The following TM4SF19 variants were observed in gnomAD, a reference collection of about 807,000 sequenced individuals.
The protein encoded by TM4SF19 is transmembrane 4 L six family member 19.
Under a neutral mutation model 21.8 loss-of-function variants are expected in TM4SF19, and 17 were observed. The observed-to-expected ratio is 0.78, with a 90% CI of 0.53 to 1.17. The LOEUF is 1.17. TM4SF19 is among the 50% of genes most tolerant of loss of function. TM4SF19 has a pLI of 0.00. For missense variants in TM4SF19, 216 were observed against 252.1 expected, an observed-to-expected ratio of 0.86 and a Z score of 0.97; for synonymous variants, 107 against 106.7, an observed-to-expected ratio of 1.00 and a Z score of -0.02.
At position 196,324,403 on chromosome 3, in the gene TM4SF19, A is replaced by T; in HGVS notation, c.317T>A (p.Leu106His). The T allele has an allele frequency of 1.2e-6, 2 of 1,614,228 alleles. No individual in the cohort carries two copies. The highest frequency in any genetic ancestry group is 2.2e-5 in the South Asian group (2 of 91,090). The change falls in exon 4 of 5, where the codon CTT (leucine) becomes CAT (histidine). Residue 106 changes from leucine to histidine, a missense_variant. Physicochemically the swap from Leu to His is moderately conservative, Grantham distance 99. Coordinates refer to ENST00000273695, the MANE Select transcript of TM4SF19 (RefSeq NM_138461.4). The part of the protein sequence containing the change: ...TALLSGGLAL[L>H]GALICFVTSG... ...AGTGACAAAGCAAATCAGGGCTCCA[A>T]GTAAAGCCAGGCCACCTGACAACAG...
chr3:196,332,651 G>A (rs1037716403), intron 1 of TM4SF19, among the ~76,000 whole-genome samples: 1 of 151,824 alleles, frequency 6.6e-6, no homozygotes. Context: ...CATATCTGCA[G>A]GGGATATGTT....
At position 196,323,761 on chromosome 3, in the gene TM4SF19, G is replaced by C. The variant is rs567767623; in HGVS notation, c.*56C>G. The C allele has an allele frequency of 9.3e-6, 15 of 1,613,960 alleles. No homozygotes were observed. The African/African-American group carries it at 1.9e-4, about 20-fold the overall frequency. On this transcript the variant is annotated 3_prime_UTR_variant, in exon 5 of 5. Coordinates refer to ENST00000273695, the MANE Select transcript of TM4SF19 (RefSeq NM_138461.4). ...ATTCGTACCCACTCCTTGTAGAAAG[G>C]ATTCAAGACAGCCGATGATGAAAAC... is the stretch of plus-strand genomic sequence containing the variant.
At position 196,325,906 on chromosome 3, in the gene TM4SF19, C is replaced by T. The variant is rs752820687; in HGVS notation, c.279+1049G>A. On this transcript the variant is annotated intron_variant, in intron 3 of 4. Coordinates refer to ENST00000273695, the MANE Select transcript of TM4SF19 (RefSeq NM_138461.4). This position sits in a 1 kb window ranked among gnomAD's most constrained non-coding sequence, Gnocchi z 4.3. ...ATTCAAGTGTCAGAACTACGTGCCACGGGGAAAACCAGAATGAGAACAGAC... is the reference window on the plus strand; with the variant it reads ...ATTCAAGTGTCAGAACTACGTGCCATGGGGAAAACCAGAATGAGAACAGAC... Among the ~76,000 whole-genome samples the T allele has an allele frequency of 1.3e-5, 2 of 152,260 alleles. No homozygotes were observed. The highest frequency in any genetic ancestry group is 2.1e-4 in the South Asian group (1 of 4,824).
At chr3:196,330,996 G>A (rs1167456882) in intron 1 of TM4SF19, among the ~76,000 whole-genome samples, 4 of 152,074 alleles carry the variant, frequency 2.6e-5, no homozygotes, top group South Asian at 4.2e-4. Context: ...AATTAAGGCC[G>A]GGCACGGTGA....
chr3:196,334,506 T>C (rs984465716), intron 1 of TM4SF19, among the ~76,000 whole-genome samples: 4 of 151,404 alleles, frequency 2.6e-5, no homozygotes, highest in African/African-American at 9.7e-5. Flanking sequence ...CAGGCTGGAG[T>C]GCAGTGGCGC....
chr3:196,334,807 GGGT>G (rs1727660976), intron 1 of TM4SF19, among the ~76,000 whole-genome samples: 1 of 135,866 alleles, frequency 7.4e-6, no homozygotes, highest in African/African-American at 2.7e-5. Flanking sequence ...GGGAGGGTGG[GGGT>G]AGGAGAGAGG....
chr3:196,335,399 T>TGGGG, intron 1 of TM4SF19, among the ~76,000 whole-genome samples: 1 of 45,368 alleles, frequency 2.2e-5, no homozygotes, highest in African/African-American at 9.2e-5. Context: ...ACTGGGAGGG[T>TGGGG]GTGGGTAGGA....
chr3:196,323,831 G>T lies in TM4SF19; in HGVS notation c.616C>A (p.Leu206Ile). The T allele has an allele frequency of 6.2e-7, 1 of 1,614,186 alleles. No individual in the cohort carries two copies. The highest frequency in any genetic ancestry group is 8.5e-7 in the Non-Finnish European group (1 of 1,180,044). The change falls in exon 5 of 5, where the codon CTC becomes ATC. Residue 206 changes from leucine (L) to isoleucine (I), a missense_variant. Transcript: ENST00000273695. ...INSLLGLFCS[L>I]CEK ...GGTTCTGCCTGTCACTTCTCGCAGA[G>T]GCTGCAGAAAAGGCCCAGGAGGCTG...
At chr3:196,327,096 C>G in intron 2 of TM4SF19, 64 bp from the exon 3 acceptor site, 1 of 1,362,064 alleles carries the variant, frequency 7.3e-7, no homozygotes, top group Non-Finnish European at 1.0e-6. Flanking sequence ...CTAGGTGCTG[C>G]CCACAGCTGT....
At chr3:196,335,569 C>T (rs66655835) in intron 1 of TM4SF19, among the ~76,000 whole-genome samples, 51,314 of 148,098 alleles carry the variant, frequency 0.35, 10,084 homozygotes, top group East Asian at 0.81. Flanking sequence ...ACAGTGACTC[C>T]TACCCCAGGG....
At chr3:196,337,220 G>A (rs1017025330) in intron 1 of TM4SF19, among the ~76,000 whole-genome samples, 1 of 151,826 alleles carries the variant, frequency 6.6e-6, no homozygotes, top group East Asian at 1.9e-4. Context: ...CACCACGCCC[G>A]GCTAATTTTG....
At chr3:196,327,256 C>G in intron 2 of TM4SF19, 134 bp downstream of exon 2, 1 of 936,860 alleles carries the variant, frequency 1.1e-6, no homozygotes, top group South Asian at 1.6e-5. Context: ...TCTCTTAGAG[C>G]TTCTACAGAC....
chr3:196,324,646 A>C, intron 3 of TM4SF19: 7 of 573,590 alleles, frequency 1.2e-5, no homozygotes, highest in Non-Finnish European at 1.6e-5. Flanking sequence ...AGCATAACCC[A>C]TGGTGGGGAG....
At chr3:196,332,612 T>TAC (rs145852836) in intron 1 of TM4SF19, among the ~76,000 whole-genome samples, 2,971 of 148,848 alleles carry the variant, frequency 0.02, 73 homozygotes, top group African/African-American at 0.055. Context: ...TGTGTGTACG[T>TAC]ACACACACAC....
At chr3:196,334,826 TG>T (rs1727664578) in intron 1 of TM4SF19, among the ~76,000 whole-genome samples, 1 of 66,866 alleles carries the variant, frequency 1.5e-5, no homozygotes, top group African/African-American at 5.6e-5. Context: ...AGAGGAAGGG[TG>T]CCCTGAGAAG....
intron 1 of TM4SF19, among the ~76,000 whole-genome samples, chr3:196,333,428 C>T (rs73212188): frequency 0.045 from 6,890 of 152,240 alleles, 200 homozygotes; most frequent in South Asian, 0.12. Context: ...TAACAACATA[C>T]TGTAATGAAA....
At chr3:196,335,719 C>T (rs1727730618) in intron 1 of TM4SF19, among the ~76,000 whole-genome samples, 1 of 151,972 alleles carries the variant, frequency 6.6e-6, no homozygotes, top group South Asian at 2.1e-4. Context: ...AGCAGGGCGC[C>T]TGTGGAGAAC....
Position 196,325,147 on chromosome 3 carries a change from C to T in TM4SF19, c.280-707G>A, listed in dbSNP as rs1727233644. 2 of 152,286 alleles carry T rather than the reference C, an allele frequency of 1.3e-5. No individual in the cohort carries two copies. Among genetic ancestry groups the T allele is most frequent in the Non-Finnish European group, 2.9e-5 (2 of 68,084 alleles). 9.4% of individuals were successfully genotyped at this position (152,286 alleles called of 1,614,324 possible). On this transcript the variant is annotated intron_variant, in intron 3 of 4. Coordinates refer to ENST00000273695, the MANE Select transcript of TM4SF19 (RefSeq NM_138461.4). The surrounding 1 kb of genome is among the most constrained non-coding windows in gnomAD (Gnocchi z 4.3). ...CCTTCCTTGACAGGTTTCTAGCCTG[C>T]TTCTACATTGGCTTCTTTCTCGTTC...
intron 1 of TM4SF19, among the ~76,000 whole-genome samples, chr3:196,329,256 TAAG>T (rs1727423079): frequency 7.9e-6 from 1 of 127,150 alleles, no homozygotes; most frequent in Non-Finnish European, 1.7e-5. Context: ...AATGATTTTT[TAAG>T]AAGATGACAA....
Sources: gnomAD v4.1 joint callset for allele counts (sites outside exome capture counted in the v4.1 genomes callset) on GRCh38, gnomAD v4.1.1 for gene constraint, Gnocchi (gnomAD v3.1) non-coding constraint, MANE v1.5 for transcripts, NCBI Gene and HGNC (gene_info 2026-07-23, HGNC 2026-07-21) for gene names.